PDE4DIP: variants seen among roughly 807,000 people sequenced by gnomAD.
PDE4DIP encodes the protein myomegalin.
Under a neutral mutation model 221.4 loss-of-function variants are expected in PDE4DIP, and 59 were observed. The observed-to-expected ratio is 0.27, with a 90% CI of 0.22 to 0.33. The LOEUF is 0.33. Ranked by LOEUF, PDE4DIP falls within the 10% of genes least tolerant of loss-of-function variation. The pLI is 1.00. For missense variants in PDE4DIP, 1,036 were observed against 2,154.2 expected (o/e 0.48, Z 10.28); for synonymous variants, 404 against 815.9 (o/e 0.50, Z 8.60).
At chr1:148,992,404 C>G (rs1170430834) in intron 22 of PDE4DIP, 2 of 1,454,278 alleles carry the variant, frequency 1.4e-6, no homozygotes, top group African/African-American at 2.9e-5. Context: ...GAAGAAACTC[C>G]AAGAAGATTG....
chr1:148,949,495 T>A (rs587687385), intron 5 of PDE4DIP, among the ~76,000 whole-genome samples: 8 of 151,550 alleles, frequency 5.3e-5, no homozygotes, highest in Non-Finnish European at 1.0e-4. Context: ...AATCTAAAAT[T>A]AATACCTGAA....
chr1:148,978,458 T>G, intron 19 of PDE4DIP, 43 bp downstream of exon 22: 1 of 1,373,212 alleles, frequency 7.3e-7, no homozygotes, highest in South Asian at 1.4e-5. Flanking sequence ...ATTTACATTT[T>G]TTTGTATTCT....
chr1:148,827,519 G>C (rs1369415411), intron 1 of PDE4DIP, among the ~76,000 whole-genome samples: 1 of 88,434 alleles, frequency 1.1e-5, no homozygotes, highest in Admixed American at 1.2e-4. Context: ...CTCCCAAAGT[G>C]CTGGGATTAT....
At chr1:148,950,368 G>A in intron 5 of PDE4DIP, among the ~76,000 whole-genome samples, 1 of 152,130 alleles carries the variant, frequency 6.6e-6, no homozygotes, top group South Asian at 2.1e-4. Context: ...AAATGCAGCT[G>A]TGGTTTTACT....
intron 5 of PDE4DIP, among the ~76,000 whole-genome samples, chr1:148,938,700 G>A (rs1457438564): frequency 6.6e-6 from 1 of 151,150 alleles, no homozygotes; most frequent in Admixed American, 6.6e-5. Context: ...GAACCTTCCA[G>A]GTCCTTGAAA....
chr1:148,820,577 A>AAG (rs1668845010), intron 1 of PDE4DIP, among the ~76,000 whole-genome samples: 4 of 139,242 alleles, frequency 2.9e-5, no homozygotes, highest in Non-Finnish European at 4.7e-5. Context: ...AAAAAAAAAA[A>AAG]AAAGAAAGAA....
intron 1 of PDE4DIP, among the ~76,000 whole-genome samples, chr1:148,915,171 A>T (rs2265701): frequency 6.6e-6 from 1 of 150,454 alleles, no homozygotes; most frequent in African/African-American, 2.5e-5. Flanking sequence ...TGTTTGAGAC[A>T]GAGTATGTCC....
chr1:149,029,117 T>G (rs2075997149), intron 41 of PDE4DIP, among the ~76,000 whole-genome samples: 1 of 152,202 alleles, frequency 6.6e-6, no homozygotes, highest in African/African-American at 2.4e-5. Context: ...CCCATGAGAC[T>G]GAGCCTTTTT....
In PDE4DIP at chr1:148,964,053, C is replaced by T. The variant is rs374053610; in HGVS notation, c.1194+1413C>T. The stretch of plus-strand genomic sequence containing the variant: ...GATTACAGGCGTGAGCCACTGCGCC[C>T]GGCCTCTTTCTTTCCTTCTTTCTCT... On this transcript the variant is annotated intron_variant, in intron 9 of 43. Coordinates refer to ENST00000369354, the Ensembl canonical transcript of PDE4DIP. 6.7e-5 allele frequency among the ~76,000 whole-genome samples: 10 copies of T among 150,298 alleles called. No homozygotes were observed. In the East Asian group the frequency reaches 1.2e-3, roughly 18 times the overall value.
At chr1:148,930,068 T>G (rs1553468536) in intron 2 of PDE4DIP, 1 of 151,678 alleles carries the variant, frequency 6.6e-6, no homozygotes, top group Admixed American at 6.6e-5. Flanking sequence ...CTTGATATTT[T>G]TCTTTATATA....
At chr1:149,028,322 G>A (rs868931297) in intron 40 of PDE4DIP, among the ~76,000 whole-genome samples, 7,075 of 148,104 alleles carry the variant, frequency 0.048, 384 homozygotes, top group African/African-American at 0.14. Context: ...AAGGTAACAG[G>A]CTCATAGAGG....
intron 5 of PDE4DIP, 93 bp from the exon 9 acceptor site, chr1:148,960,561 T>G (rs1553507746): frequency 5.7e-6 from 1 of 175,002 alleles, no homozygotes; most frequent in Non-Finnish European, 1.0e-5. Context: ...TCTAAATCTC[T>G]GGCAAAAGAT....
intron 19 of PDE4DIP, among the ~76,000 whole-genome samples, chr1:148,979,016 T>A (rs2060656940): frequency 6.7e-6 from 1 of 149,750 alleles, no homozygotes. Flanking sequence ...CATTTAACCA[T>A]GTTCAGATCT....
At chr1:149,001,029 A>T (rs1214565328) in intron 23 of PDE4DIP, among the ~76,000 whole-genome samples, 1 of 151,850 alleles carries the variant, frequency 6.6e-6, no homozygotes, top group Non-Finnish European at 1.5e-5. Context: ...TGGGATGAAT[A>T]GGACAGACAC....
intron 31 of PDE4DIP, among the ~76,000 whole-genome samples, chr1:149,010,972 A>C (rs1553604917): frequency 7.0e-6 from 1 of 142,354 alleles, no homozygotes; most frequent in African/African-American, 2.7e-5. Context: ...GTTACCCATT[A>C]AATCTGCATG....
At chr1:149,005,931 G>A (rs1373336437) in intron 27 of PDE4DIP, among the ~76,000 whole-genome samples, 3 of 144,916 alleles carry the variant, frequency 2.1e-5, no homozygotes, top group South Asian at 2.1e-4. Context: ...TCAGGTGTTC[G>A]AGACCAGCCT....
intron 5 of PDE4DIP, among the ~76,000 whole-genome samples, chr1:148,949,292 T>TA (rs1257697608): frequency 6.6e-6 from 1 of 150,380 alleles, no homozygotes; most frequent in Non-Finnish European, 1.5e-5. Context: ...TCTCTAGACA[T>TA]AACCATTACT....
chr1:149,025,001 C>A (rs2074661763), intron 38 of PDE4DIP, among the ~76,000 whole-genome samples: 1 of 145,072 alleles, frequency 6.9e-6, no homozygotes, highest in African/African-American at 2.6e-5. Context: ...TAAATGAAAT[C>A]ATTTACAAGT....
intron 5 of PDE4DIP, chr1:148,942,080 AAAG>A (rs1416909871): frequency 2.6e-5 from 4 of 152,214 alleles, no homozygotes; most frequent in Non-Finnish European, 5.9e-5. Context: ...GCCCTAGAAG[AAAG>A]AAGAGCTCAC....
Sources: gnomAD v4.1 joint callset for allele counts (sites outside exome capture counted in the v4.1 genomes callset) on GRCh38, gnomAD v4.1.1 for gene constraint, MANE v1.5 for transcripts, NCBI Gene and HGNC (gene_info 2026-07-23, HGNC 2026-07-21) for gene names.